NRG1: variants seen among roughly 807,000 people sequenced by gnomAD.
NRG1 encodes the protein pro-neuregulin-1, membrane-bound isoform.
NRG1 carries 18 observed loss-of-function variants against 63.8 expected under a neutral mutation model. That is an observed-to-expected ratio of 0.28 (90% CI 0.19 to 0.42). NRG1 has a LOEUF of 0.42. NRG1 is among the 10% of genes least tolerant of loss of function. NRG1 has a pLI of 1.00. For missense variants in NRG1, 762 were observed against 814.7 expected (o/e 0.94, Z 0.79); for synonymous variants, 302 against 301.3 (o/e 1.00, Z -0.02).
At chr8:32,069,550 TG>T (rs1825431031) in intron 1 of NRG1, among the ~76,000 whole-genome samples, 1 of 152,068 alleles carries the variant, frequency 6.6e-6, no homozygotes, top group Non-Finnish European at 1.5e-5. Flanking sequence ...TGGGAAGCTG[TG>T]GGGATGGGGA....
intron 1 of NRG1, among the ~76,000 whole-genome samples, chr8:31,787,711 T>G (rs1245710411): frequency 6.6e-6 from 1 of 152,200 alleles, no homozygotes; most frequent in East Asian, 1.9e-4. Flanking sequence ...GAATGCATGT[T>G]TGGCAAATAT....
intron 1 of NRG1, among the ~76,000 whole-genome samples, chr8:31,836,624 G>A (rs1003364727): frequency 6.6e-6 from 1 of 151,348 alleles, no homozygotes; most frequent in African/African-American, 2.4e-5. Flanking sequence ...ACACAAAAAG[G>A]GTACTTTAAA....
chr8:31,934,816 G>A (rs1434567262), intron 1 of NRG1, among the ~76,000 whole-genome samples: 1 of 151,812 alleles, frequency 6.6e-6, no homozygotes, highest in Non-Finnish European at 1.5e-5. Context: ...ATTTCATGAT[G>A]GCAAAAGTCA....
intron 1 of NRG1, among the ~76,000 whole-genome samples, chr8:32,457,756 G>T (rs1314951142): frequency 1.3e-5 from 2 of 151,998 alleles, no homozygotes; most frequent in Non-Finnish European, 2.9e-5. Context: ...TGTTTGTTTT[G>T]TTGTGTTTTA....
At chr8:32,566,057 C>G (rs771449331) in intron 1 of NRG1, among the ~76,000 whole-genome samples, 22 of 152,082 alleles carry the variant, frequency 1.4e-4, no homozygotes, top group Non-Finnish European at 3.1e-4. Context: ...AACTCAGGAT[C>G]AAGACAATGT....
intron 5 of NRG1, among the ~76,000 whole-genome samples, chr8:32,716,061 T>C (rs1819135581): frequency 6.6e-6 from 1 of 152,178 alleles, no homozygotes; most frequent in African/African-American, 2.4e-5. Context: ...CAGCCTGTCA[T>C]CTGTGAACTC....
chr8:32,245,959 T>A (rs1207213957), intron 1 of NRG1, among the ~76,000 whole-genome samples: 2 of 152,144 alleles, frequency 1.3e-5, no homozygotes, highest in Non-Finnish European at 2.9e-5. Context: ...ATCCTTTACC[T>A]GTAAATTTGG....
chr8:31,861,131 A>G (rs990811821), intron 1 of NRG1, among the ~76,000 whole-genome samples: 1 of 152,202 alleles, frequency 6.6e-6, no homozygotes, highest in Non-Finnish European at 1.5e-5. Context: ...GGGCAAGAAA[A>G]GAAAGTTAGA....
rs141568677 is a variant in NRG1 at position 31,816,619 on chromosome 8, G to A, written c.37+177188G>A. 7.2e-5 allele frequency among the ~76,000 whole-genome samples: 11 copies of A among 152,250 alleles called. No individual in the cohort carries two copies. The East Asian group carries it at 1.9e-3, about 27-fold the overall frequency. ...CTTTATATCCTCACTTTGTGAACTAGACAAGGTAGATATTAAAATTCCAAG... is the reference window on the plus strand; with the variant it reads ...CTTTATATCCTCACTTTGTGAACTAAACAAGGTAGATATTAAAATTCCAAG... On this transcript the variant is annotated intron_variant, in intron 1 of 10. Coordinates refer to the NRG1 transcript ENST00000519301.
intron 1 of NRG1, among the ~76,000 whole-genome samples, chr8:32,034,590 G>C (rs1240905204): frequency 6.6e-6 from 1 of 152,094 alleles, no homozygotes; most frequent in East Asian, 1.9e-4. Flanking sequence ...GGCATTATTT[G>C]GTTGGTAGGC....
chr8:32,454,516 A>G (rs1821353595), intron 1 of NRG1, among the ~76,000 whole-genome samples: 1 of 151,518 alleles, frequency 6.6e-6, no homozygotes, highest in Non-Finnish European at 1.5e-5. Flanking sequence ...TTTTAGTAAG[A>G]AAAAAAACCG....
rs534532928 is a variant in NRG1, at chr8:32,754,556, C to T, written c.794+82C>T. ...GCCAGGGCTTTGCAGAATCTGAGCT[C>T]CACAGCCTAGTCTTGGGGATAAAAA... On this transcript the variant is annotated intron_variant, in intron 8 of 11. Transcript: ENST00000356819. 63 of 1,260,602 alleles carry T rather than the reference C, an allele frequency of 5.0e-5. No homozygotes were observed. In the African/African-American group the frequency reaches 7.6e-4, roughly 15 times the overall value. 78.1% of individuals were successfully genotyped at this position (1,260,602 alleles called of 1,614,324 possible).
In NRG1 at chr8:32,219,148, G is replaced by T. The variant is rs556410828; in HGVS notation, c.38-376680G>T. 1.8e-4 allele frequency among the ~76,000 whole-genome samples: 27 copies of T among 152,248 alleles called. No individual in the cohort carries two copies. The South Asian group carries it at 5.4e-3, about 30-fold the overall frequency. On this transcript the variant is annotated intron_variant, in intron 1 of 10. Transcript: ENST00000519301. ...TCTAATTGTGTTTGATCTTACACTT[G>T]TTATGATTTAGGAATTCACATCTGA...
chr8:31,769,091 C>T (rs937981549), intron 1 of NRG1, among the ~76,000 whole-genome samples: 47 of 152,312 alleles, frequency 3.1e-4, no homozygotes, highest in African/African-American at 1.0e-3. Flanking sequence ...AATTTCTCAA[C>T]ATTTTGCCAA....
At chr8:32,753,145 T>G (rs1031707334) in intron 7 of NRG1, among the ~76,000 whole-genome samples, 2 of 152,200 alleles carry the variant, frequency 1.3e-5, no homozygotes, top group African/African-American at 4.8e-5. Context: ...TCCCCAGTTC[T>G]TGACCAATTT....
intron 1 of NRG1, among the ~76,000 whole-genome samples, chr8:31,799,346 T>C (rs2047848): frequency 0.97 from 146,906 of 152,184 alleles, 71,103 homozygotes; most frequent in East Asian, 1. Flanking sequence ...CTTGCCAAAA[T>C]CTAGTTCAGG....
intron 1 of NRG1, among the ~76,000 whole-genome samples, chr8:31,643,227 C>T (rs748561955): frequency 2.8e-4 from 43 of 152,220 alleles, no homozygotes; most frequent in Non-Finnish European, 5.6e-4. Context: ...CCTCACCTAA[C>T]ATGAAGCTGC....
chr8:31,660,871 C>A (rs1463878794), intron 1 of NRG1, among the ~76,000 whole-genome samples: 1 of 151,998 alleles, frequency 6.6e-6, no homozygotes, highest in Non-Finnish European at 1.5e-5. Flanking sequence ...ATTATTTGGC[C>A]ATCATTTATT....
At chr8:32,589,689 T>C (rs1331712414) in intron 1 of NRG1, among the ~76,000 whole-genome samples, 1 of 152,218 alleles carries the variant, frequency 6.6e-6, no homozygotes, top group Non-Finnish European at 1.5e-5. Flanking sequence ...AGCATATCTC[T>C]GCAGCAGACA....
Sources: gnomAD v4.1 joint callset for allele counts (sites outside exome capture counted in the v4.1 genomes callset) on GRCh38, gnomAD v4.1.1 for gene constraint, MANE v1.5 for transcripts, NCBI Gene and HGNC (gene_info 2026-07-23, HGNC 2026-07-21) for gene names.